Variants in CORO1B observed in about 807,000 individuals in gnomAD.
The protein encoded by CORO1B is coronin-1B.
In CORO1B, 30 loss-of-function variants were observed where a neutral mutation model predicts 51.1. That is an observed-to-expected ratio of 0.59 (90% CI 0.44 to 0.80). CORO1B has a LOEUF of 0.80. Ranked by LOEUF, CORO1B falls within the 30% of genes least tolerant of loss-of-function variation. The pLI is 0.00. For missense variants in CORO1B, 648 were observed against 700.4 expected, an observed-to-expected ratio of 0.93 and a Z score of 0.84; for synonymous variants, 310 against 289.7, an observed-to-expected ratio of 1.07 and a Z score of -0.71.
At position 67,437,252 on chromosome 11, in the gene CORO1B, C is replaced by A. The variant is rs375896303; in HGVS notation, c.*1124G>T. ...GCAGCTGCCAGAGGAAGTCTGCGGTCGGAACAGGCTAGGTGGGGGGTGTCG... is the reference window on the plus strand; with the variant it reads ...GCAGCTGCCAGAGGAAGTCTGCGGTAGGAACAGGCTAGGTGGGGGGTGTCG... On this transcript the variant is annotated 3_prime_UTR_variant, in exon 11 of 11. Transcript: ENST00000341356. 2.6e-4 allele frequency: 58 copies of A among 222,006 alleles called. 1 individual carries two copies. The highest frequency in any genetic ancestry group is 1.6e-3 in the East Asian group (18 of 11,302). 13.8% of individuals were successfully genotyped at this position (222,006 alleles called of 1,614,324 possible).
rs575696255 is a variant in CORO1B, at chr11:67,438,247, G to A, written c.*129C>T. The A allele has an allele frequency of 3.4e-6, 4 of 1,181,930 alleles. No individual in the cohort carries two copies. Among genetic ancestry groups the A allele is most frequent in the Non-Finnish European group, 4.7e-6 (4 of 852,226 alleles). 73.2% of individuals were successfully genotyped at this position (1,181,930 alleles called of 1,614,324 possible). A position where few individuals can be genotyped will look rare whatever the true frequency, so the allele number is the denominator to read the frequency against. On this transcript the variant is annotated 3_prime_UTR_variant, in exon 11 of 11. Transcript: ENST00000341356. ...GCTTCGGCCTGGGCCTGGGACGGGT[G>A]GGGGTGGGAACTGACCCCTGCGCTG...
At position 67,438,051 on chromosome 11, in the gene CORO1B, T is replaced by C; in HGVS notation, c.*325A>G. On this transcript the variant is annotated 3_prime_UTR_variant, in exon 11 of 11. Coordinates refer to ENST00000341356, the MANE Select transcript of CORO1B (RefSeq NM_020441.3). ...CCTTGCAGCAGCAGGTCAGCCTGGC[T>C]TTTAGAAAGAGAATTTTATTTGGAA... is the stretch of plus-strand genomic sequence containing the variant. 2.8e-6 allele frequency: 1 copy of C among 359,922 alleles called. No individual in the cohort carries two copies. 22.3% of individuals were successfully genotyped at this position (359,922 alleles called of 1,614,324 possible).
Position 67,436,814 on chromosome 11 carries a change from CTG to C in CORO1B, c.*1560_*1561del, listed in dbSNP as rs1317555351. The C allele has an allele frequency of 1.2e-4, 20 of 163,208 alleles. No homozygotes were observed. Among genetic ancestry groups the C allele is most frequent in the Non-Finnish European group, 2.6e-5 (2 of 75,764 alleles). 10.1% of individuals were successfully genotyped at this position (163,208 alleles called of 1,614,324 possible). On this transcript the variant is annotated 3_prime_UTR_variant, in exon 11 of 11. Transcript: ENST00000341356. ...CCATGTCACCTAACGCAGGAGATAA[CTG>C]TACTCATTTTTTATGTCTATTGTCT...
intron 9 of CORO1B, among the ~76,000 whole-genome samples, chr11:67,439,568 G>A (rs1388147495): frequency 2.0e-5 from 3 of 152,214 alleles, no homozygotes; most frequent in East Asian, 1.9e-4. Context: ...GGCTCATCCA[G>A]AGCAGGGCCC....
chr11:67,437,746 C>G lies in CORO1B; in HGVS notation c.*630G>C, dbSNP rs1372905792. 2 of 997,324 alleles carry G rather than the reference C, an allele frequency of 2.0e-6. No homozygotes were observed. The highest frequency in any genetic ancestry group is 3.3e-5 in the African/African-American group (2 of 59,766). 61.8% of individuals were successfully genotyped at this position (997,324 alleles called of 1,614,324 possible). ...TTCCGCTTCCTGCCCACATACCCCA[C>G]CTGCCCCTCCCTGCTGCAGGACCCC... is the stretch of plus-strand genomic sequence containing the variant. On this transcript the variant is annotated 3_prime_UTR_variant, in exon 11 of 11. Transcript: ENST00000341356.
rs747345871 is a variant in CORO1B, at chr11:67,436,133, A to G, written c.*2243T>C. The G allele has an allele frequency of 1.3e-4, 212 of 1,585,662 alleles. No individual in the cohort carries two copies. Among genetic ancestry groups the G allele is most frequent in the Non-Finnish European group, 1.8e-4 (208 of 1,165,872 alleles). On this transcript the variant is annotated 3_prime_UTR_variant, in exon 11 of 11. Coordinates refer to ENST00000341356, the MANE Select transcript of CORO1B (RefSeq NM_020441.3). ...GAGCAGGCGCCGCGTGCGGCCCCAC[A>G]GCGCGGCACCTAGGCGGGCCGGGTG...
At position 67,438,288 on chromosome 11, in the gene CORO1B, G is replaced by A; in HGVS notation, c.*88C>T. 6.6e-7 allele frequency: 1 copy of A among 1,514,282 alleles called. No homozygotes were observed. The highest frequency in any genetic ancestry group is 8.9e-7 in the Non-Finnish European group (1 of 1,127,414). 93.8% of individuals were successfully genotyped at this position (1,514,282 alleles called of 1,614,324 possible). ...CCCTGCGCTGCCTCAGAGGCTCTGG[G>A]CAGCCAGCTAGCCCGGTGCGACCCG... is the stretch of plus-strand genomic sequence containing the variant. On this transcript the variant is annotated 3_prime_UTR_variant, in exon 11 of 11. Coordinates refer to ENST00000341356, the MANE Select transcript of CORO1B (RefSeq NM_020441.3).
In CORO1B at chr11:67,436,065, G is replaced by A. The variant is rs878903961; in HGVS notation, c.*2311C>T. 2 of 1,613,104 alleles carry A rather than the reference G, an allele frequency of 1.2e-6. No individual in the cohort carries two copies. Among genetic ancestry groups the A allele is most frequent in the South Asian group, 2.2e-5 (2 of 91,012 alleles). ...TCAAGGTCATTGTCTGTGGACCCCAGCTCAGCTCGGGCCTGCAGCCAGCGA... is the reference window on the plus strand; with the variant it reads ...TCAAGGTCATTGTCTGTGGACCCCAACTCAGCTCGGGCCTGCAGCCAGCGA... On this transcript the variant is annotated 3_prime_UTR_variant, in exon 11 of 11. Transcript: ENST00000341356.
At position 67,439,787 on chromosome 11, in the gene CORO1B, T is replaced by G; in HGVS notation, c.1064A>C (p.Lys355Thr). The G allele has an allele frequency of 1.9e-6, 3 of 1,587,512 alleles. No individual in the cohort carries two copies. The South Asian group carries it at 3.5e-5, about 18-fold the overall frequency. Reference protein sequence around the residue: ...CEPIVMTVPRKSDLFQDDLYP... With the variant: ...CEPIVMTVPRTSDLFQDDLYP... The stretch of plus-strand genomic sequence containing the variant: ...GAGCCGAGGGACGGGCGGCCTCACC[T>G]TTCTTGGCACAGTCATGACGATGGG... Residue 355 changes from lysine to threonine, a missense_variant and splice_region_variant, in exon 9 of 11, where the codon AAG becomes ACG. By Grantham distance (78) the Lys-to-Thr change is moderately conservative. Transcript: ENST00000341356.
In CORO1B at chr11:67,442,010, T is replaced by C. The variant is rs1864405811; in HGVS notation, c.280A>G (p.Asn94Asp). 6.2e-7 allele frequency: 1 copy of C among 1,613,202 alleles called. No individual in the cohort carries two copies. The highest frequency in any genetic ancestry group is 2.2e-5 in the East Asian group (1 of 44,868). The change falls in exon 3 of 11, where the codon AAC becomes GAC. Residue 94 changes from asparagine to aspartate, a missense_variant. Asn to Asp is a conservative substitution (Grantham distance 23, BLOSUM62 1). Coordinates refer to ENST00000341356, the MANE Select transcript of CORO1B (RefSeq NM_020441.3). The stretch of plus-strand genomic sequence containing the variant: ...GAGCCGCTGGCTATGACTTCGTCGT[T>C]GTGAGGACACCAGTCGATGTCCAGG... ...PVLDIDWCPHNDEVIASGSED... is the reference protein window; with the variant it reads ...PVLDIDWCPHDDEVIASGSED...
Position 67,437,226 on chromosome 11 carries a change from C to T in CORO1B, c.*1150G>A, listed in dbSNP as rs1183015522. 5 of 186,236 alleles carry T rather than the reference C, an allele frequency of 2.7e-5. No homozygotes were observed. The highest frequency in any genetic ancestry group is 2.0e-4 in the South Asian group (1 of 5,112). The allele number at this position is 186,236 out of a possible 1,614,324, so 11.5% of individuals were successfully genotyped here. ...GCTGGGGGGGGCTGGGGGAGGCGGG[C>T]GCAGCTGCCAGAGGAAGTCTGCGGT... On this transcript the variant is annotated 3_prime_UTR_variant, in exon 11 of 11. Transcript: ENST00000341356.
Position 67,438,325 on chromosome 11 carries a change from T to A in CORO1B, c.*51A>T, listed in dbSNP as rs760406847. ...CCCGGTGCGACCCGCTGGCAGAAGC[T>A]GAGTGGGAAGGGGGCGGCGGAGGAG... On this transcript the variant is annotated 3_prime_UTR_variant, in exon 11 of 11. Transcript: ENST00000341356. 18 of 1,556,072 alleles carry A rather than the reference T, an allele frequency of 1.2e-5. No individual in the cohort carries two copies. The Admixed American group carries it at 3.1e-4, about 27-fold the overall frequency.
rs771850944 is a variant in CORO1B at position 67,441,372 on chromosome 11, G to A, written c.597C>T (p.Ser199=). The A allele has an allele frequency of 1.5e-5, 24 of 1,613,710 alleles. No homozygotes were observed. Among genetic ancestry groups the A allele is most frequent in the Admixed American group, 3.3e-5 (2 of 60,018 alleles). ...SLFCSACKDK[S]VRIIDPRRGT... The stretch of plus-strand genomic sequence containing the variant: ...CCCGACGGGGGTCGATGATGCGCAC[G>A]CTCTTGTCCTTGCATGCTGAGCAAA... Residue 199 remains serine (S), a synonymous_variant, in exon 5 of 11, where the codon AGC becomes AGT. Coordinates refer to ENST00000341356, the MANE Select transcript of CORO1B (RefSeq NM_020441.3).
In CORO1B at chr11:67,441,132, CA is replaced by C; in HGVS notation, c.748del (p.Trp250GlyfsTer58). The C allele has an allele frequency of 6.2e-7, 1 of 1,612,994 alleles. No homozygotes were observed. The highest frequency in any genetic ancestry group is 8.5e-7 in the Non-Finnish European group (1 of 1,179,996). On this transcript the variant is annotated frameshift_variant, in exon 6 of 11. Transcript: ENST00000341356. LOFTEE classifies it high-confidence loss of function. ...CTCAGGCTGGCCACTCACTGGGTCC[CA>C]GAGCGCCAGCTGCCGCTCGCTCATT... ...SRMSERQLAL[W>X]DPENLEEPMA...
rs757719950 is a variant in CORO1B at position 67,441,460 on chromosome 11, C to A, written c.509G>T (p.Arg170Leu). Residue 170 changes from arginine to leucine, a missense_variant, in exon 5 of 11, where the codon CGC becomes CTC. By Grantham distance (102) the Arg-to-Leu change is moderately radical. Coordinates refer to ENST00000341356, the MANE Select transcript of CORO1B (RefSeq NM_020441.3). Reference sequence around the variant, plus strand: ...GAGGTCAGGGTGCAGGCTGTCCAGGCGGTACAGCTCCTCCGCTGTGCCCAC... The same window carrying A: ...GAGGTCAGGGTGCAGGCTGTCCAGGAGGTACAGCTCCTCCGCTGTGCCCAC... Reference protein sequence around the residue: ...WNVGTAEELYRLDSLHPDLIY... With the variant: ...WNVGTAEELYLLDSLHPDLIY... The A allele has an allele frequency of 1.2e-6, 2 of 1,613,834 alleles. No homozygotes were observed. The highest frequency in any genetic ancestry group is 1.7e-6 in the Non-Finnish European group (2 of 1,180,016).
At position 67,437,456 on chromosome 11, in the gene CORO1B, G is replaced by T; in HGVS notation, c.*920C>A. ...CAGGCCTGGAGTCCCAGGGAGCCCA[G>T]CTCAGGTGAGAGAAAGGTTCAGCCT... On this transcript the variant is annotated 3_prime_UTR_variant, in exon 11 of 11. Coordinates refer to ENST00000341356, the MANE Select transcript of CORO1B (RefSeq NM_020441.3). The T allele has an allele frequency of 1.2e-6, 1 of 855,716 alleles. No homozygotes were observed. Among genetic ancestry groups the T allele is most frequent in the Non-Finnish European group, 1.6e-6 (1 of 617,998 alleles). The allele number at this position is 855,716 out of a possible 1,614,324, so 53.0% of individuals were successfully genotyped here.
rs930209985 is a variant in CORO1B at position 67,437,208 on chromosome 11, G to T, written c.*1168C>A. 2 of 172,594 alleles carry T rather than the reference G, an allele frequency of 1.2e-5. No homozygotes were observed. Among genetic ancestry groups the T allele is most frequent in the Non-Finnish European group, 2.4e-5 (2 of 81,740 alleles). The allele number at this position is 172,594 out of a possible 1,614,324, so 10.7% of individuals were successfully genotyped here. A position where few individuals can be genotyped will look rare whatever the true frequency, so the allele number is the denominator to read the frequency against. ...AGGCGTGCAGGGCCGGGGGCTGGGG[G>T]GGGCTGGGGGAGGCGGGCGCAGCTG... is the stretch of plus-strand genomic sequence containing the variant. On this transcript the variant is annotated 3_prime_UTR_variant, in exon 11 of 11. Coordinates refer to ENST00000341356, the MANE Select transcript of CORO1B (RefSeq NM_020441.3).
At position 67,441,475 on chromosome 11, in the gene CORO1B, G is replaced by A. The variant is rs138324974; in HGVS notation, c.494C>T (p.Ala165Val). 1.8e-4 allele frequency: 294 copies of A among 1,613,724 alleles called. 2 individuals carry two copies. The African/African-American group carries it at 2.8e-3, about 16-fold the overall frequency. ...NVVLIWNVGTAEELYRLDSLH... is the reference protein window; with the variant it reads ...NVVLIWNVGTVEELYRLDSLH... ...GCTGTCCAGGCGGTACAGCTCCTCC[G>A]CTGTGCCCACATTCCAGATGAGTAC... is the stretch of plus-strand genomic sequence containing the variant. The change falls in exon 5 of 11, where the codon GCG (alanine) becomes GTG (valine). Residue 165 changes from alanine (A) to valine (V), a missense_variant. Transcript: ENST00000341356.
At position 67,438,962 on chromosome 11, in the gene CORO1B, C is replaced by A; in HGVS notation, c.1066-13G>T. 6.3e-7 allele frequency: 1 copy of A among 1,591,564 alleles called. No individual in the cohort carries two copies. ...GGAAGAGGTCCGACTGGGCAGGGGG[C>A]CGGGGAGGTCAGGATCAGTTAGGAG... is the stretch of plus-strand genomic sequence containing the variant. On this transcript the variant is annotated splice_polypyrimidine_tract_variant and intron_variant, in intron 9 of 10. Coordinates refer to ENST00000341356, the MANE Select transcript of CORO1B (RefSeq NM_020441.3).
Sources: allele counts gnomAD v4.1 joint callset (sites outside exome capture counted in the v4.1 genomes callset), GRCh38; gene constraint gnomAD v4.1.1; transcripts MANE v1.5; gene names NCBI Gene and HGNC (gene_info 2026-07-23, HGNC 2026-07-21).